The following DLG2 variants were observed in gnomAD, a reference collection of about 807,000 sequenced individuals.
DLG2 encodes the protein discs large MAGUK scaffold protein 2.
DLG2 carries 45 observed loss-of-function variants against 132.5 expected under a neutral mutation model. That is an observed-to-expected ratio of 0.34 (90% CI 0.27 to 0.44). The LOEUF (loss-of-function observed/expected upper bound fraction) is 0.44. Among genes scored for constraint, DLG2 ranks in the 20% least tolerant of loss-of-function variants. DLG2 has a pLI of 1.00. For missense variants in DLG2, 1,045 were observed against 1,196.9 expected, an observed-to-expected ratio of 0.87 and a Z score of 1.87; for synonymous variants, 424 against 419.6, an observed-to-expected ratio of 1.01 and a Z score of -0.13.
At chr11:83,691,183 G>C (rs980351147) in intron 18 of DLG2, among the ~76,000 whole-genome samples, 16 of 152,104 alleles carry the variant, frequency 1.1e-4, no homozygotes, top group African/African-American at 3.9e-4. Context: ...CAGAATCAGA[G>C]GTTTTTAGGA....
intron 3 of DLG2, among the ~76,000 whole-genome samples, chr11:85,536,716 C>T (rs1196477515): frequency 2.0e-5 from 3 of 152,242 alleles, no homozygotes; most frequent in Non-Finnish European, 4.4e-5. Context: ...GCACTCAGGG[C>T]AGCGGGCTGA....
intron 4 of DLG2, among the ~76,000 whole-genome samples, chr11:85,196,874 G>C (rs1026292030): frequency 6.6e-6 from 1 of 152,174 alleles, no homozygotes; most frequent in Non-Finnish European, 1.5e-5. Context: ...GCAGTTCTCT[G>C]AATGGAATAT....
intron 15 of DLG2, among the ~76,000 whole-genome samples, chr11:83,927,954 A>T (rs1196317772): frequency 6.6e-6 from 1 of 152,150 alleles, no homozygotes; most frequent in Non-Finnish European, 1.5e-5. Context: ...ACAATGCGGT[A>T]GATGTGTGTG....
chr11:83,911,932 A>G (rs2076137417), intron 15 of DLG2, among the ~76,000 whole-genome samples: 1 of 152,046 alleles, frequency 6.6e-6, no homozygotes, highest in African/African-American at 2.4e-5. Context: ...CTGTACAGAT[A>G]ACTTGTTAAT....
intron 3 of DLG2, among the ~76,000 whole-genome samples, chr11:85,429,708 A>G (rs1332680438): frequency 6.6e-6 from 1 of 152,196 alleles, no homozygotes; most frequent in Non-Finnish European, 1.5e-5. Flanking sequence ...TCAGGAAACA[A>G]TAGGTGCTGG....
intron 15 of DLG2, among the ~76,000 whole-genome samples, chr11:83,921,410 T>C (rs1299769598): frequency 6.6e-6 from 1 of 152,202 alleles, no homozygotes; most frequent in African/African-American, 2.4e-5. Flanking sequence ...ATTGTTTCCA[T>C]TTGTTTCTCA....
intron 5 of DLG2, among the ~76,000 whole-genome samples, chr11:85,140,724 C>T (rs1481626057): frequency 6.6e-6 from 1 of 151,666 alleles, no homozygotes; most frequent in Non-Finnish European, 1.5e-5. Context: ...CACTTTTCCC[C>T]TCCATCACCA....
intron 6 of DLG2, among the ~76,000 whole-genome samples, chr11:84,584,434 A>G (rs2099524118): frequency 1.3e-5 from 2 of 151,708 alleles, no homozygotes; most frequent in Admixed American, 1.3e-4. Flanking sequence ...ATAATCTCAG[A>G]TATCTTGGAT....
intron 3 of DLG2, among the ~76,000 whole-genome samples, chr11:85,597,827 C>G (rs2079880594): frequency 6.6e-6 from 1 of 151,374 alleles, no homozygotes; most frequent in African/African-American, 2.4e-5. Context: ...TATTTAAAAT[C>G]AGTTATTTAT....
At chr11:83,929,478 C>A (rs4943883) in intron 15 of DLG2, among the ~76,000 whole-genome samples, 11,057 of 152,212 alleles carry the variant, frequency 0.073, 945 homozygotes, top group African/African-American at 0.21. Flanking sequence ...ACTCAGGCTA[C>A]TATGAAAAGA....
At chr11:84,660,170 T>A (rs1337614002) in intron 6 of DLG2, among the ~76,000 whole-genome samples, 1 of 151,996 alleles carries the variant, frequency 6.6e-6, no homozygotes, top group East Asian at 1.9e-4. Context: ...AAAATCACAG[T>A]GTTAGACGAT....
At position 84,036,212 on chromosome 11, in the gene DLG2, GA is replaced by G. The variant is rs375174812; in HGVS notation, c.919+23102del. 1.4e-4 allele frequency among the ~76,000 whole-genome samples: 21 copies of G among 147,794 alleles called. No homozygotes were observed. In the East Asian group the frequency reaches 2.4e-3, roughly 17 times the overall value. ...GGAACTCTAGGCTTTAGAGGTTAAAGAAAAAAAAAAGTTTGAGAACCTCTGT... is the reference window on the plus strand; with the variant it reads ...GGAACTCTAGGCTTTAGAGGTTAAAGAAAAAAAAAGTTTGAGAACCTCTGT... On this transcript the variant is annotated intron_variant, in intron 11 of 27. Transcript: ENST00000376104.
At chr11:84,969,990 G>A (rs2053849710) in intron 6 of DLG2, among the ~76,000 whole-genome samples, 1 of 152,088 alleles carries the variant, frequency 6.6e-6, no homozygotes, top group African/African-American at 2.4e-5. Flanking sequence ...ACAGAGAGAA[G>A]GGAACATCAC....
intron 3 of DLG2, among the ~76,000 whole-genome samples, chr11:85,540,449 G>A (rs372716265): frequency 1.1e-4 from 17 of 152,136 alleles, no homozygotes; most frequent in East Asian, 3.9e-4. Flanking sequence ...GATGCCTGCC[G>A]CTGGGCAGCC....
At chr11:85,163,224 GACAC>G (rs112583126) in intron 4 of DLG2, among the ~76,000 whole-genome samples, 43 of 135,206 alleles carry the variant, frequency 3.2e-4, no homozygotes, top group Admixed American at 1.4e-3. Context: ...CACACACACA[GACAC>G]ACACACACAC....
chr11:85,021,465 G>C, intron 6 of DLG2: 1 of 1,425,130 alleles, frequency 7.0e-7, no homozygotes, highest in East Asian at 2.3e-5. Context: ...CAGCAGCCCG[G>C]GCATTTCTCT....
At chr11:84,192,736 T>TA (rs1188192165) in intron 8 of DLG2, among the ~76,000 whole-genome samples, 4 of 150,190 alleles carry the variant, frequency 2.7e-5, no homozygotes, top group South Asian at 4.2e-4. Flanking sequence ...TCTCAAAAAA[T>TA]AAAAAAATAA....
intron 3 of DLG2, among the ~76,000 whole-genome samples, chr11:85,510,278 G>T (rs766559958): frequency 2.0e-5 from 3 of 151,986 alleles, no homozygotes; most frequent in African/African-American, 7.2e-5. Flanking sequence ...GATAGGCCAG[G>T]ATAAGAAATA....
intron 6 of DLG2, among the ~76,000 whole-genome samples, chr11:85,016,597 G>C (rs2059596912): frequency 6.6e-6 from 1 of 152,084 alleles, no homozygotes; most frequent in South Asian, 2.1e-4. Context: ...AGGAAATGAA[G>C]CTCTGTGGGA....
Sources: gnomAD v4.1 joint callset for allele counts (sites outside exome capture counted in the v4.1 genomes callset) on GRCh38, gnomAD v4.1.1 for gene constraint, MANE v1.5 for transcripts, NCBI Gene and HGNC (gene_info 2026-07-23, HGNC 2026-07-21) for gene names.